CCSER1: variants seen among roughly 807,000 people sequenced by gnomAD.
CCSER1 encodes serine-rich coiled-coil domain-containing protein 1.
CCSER1 carries 41 observed loss-of-function variants against 82.0 expected under a neutral mutation model. The ratio of observed to expected loss-of-function variants is 0.50; its 90% confidence interval spans 0.39 to 0.65. The LOEUF (loss-of-function observed/expected upper bound fraction) is 0.65, where lower values mean the gene tolerates loss of function less well. Ranked by LOEUF, CCSER1 falls within the 30% of genes least tolerant of loss-of-function variation. The pLI is 0.00. For synonymous variants in CCSER1, 414 were observed against 383.9 expected (o/e 1.08, Z -0.92); for missense variants, 1,119 against 1,064.2 (o/e 1.05, Z -0.72).
At chr4:90,850,963 A>T (rs190845580) in intron 8 of CCSER1, among the ~76,000 whole-genome samples, 126 of 152,292 alleles carry the variant, frequency 8.3e-4, no homozygotes, top group Non-Finnish European at 1.4e-3. Context: ...CCAGGTGGAG[A>T]TAATTGAATC....
chr4:91,002,216 A>T (rs1266499237), intron 9 of CCSER1, among the ~76,000 whole-genome samples: 1 of 152,196 alleles, frequency 6.6e-6, no homozygotes, highest in Non-Finnish European at 1.5e-5. Context: ...AGATAACCTG[A>T]AGACAATGTG....
chr4:90,227,743 G>C (rs1743474927), intron 1 of CCSER1, among the ~76,000 whole-genome samples: 1 of 152,206 alleles, frequency 6.6e-6, no homozygotes, highest in African/African-American at 2.4e-5. Flanking sequence ...GCCAGACAGT[G>C]GGCGCAAGTC....
chr4:90,740,707 T>TA (rs1464265367), intron 7 of CCSER1, among the ~76,000 whole-genome samples: 1 of 152,176 alleles, frequency 6.6e-6, no homozygotes, highest in African/African-American at 2.4e-5. Context: ...TTTTCTGTCT[T>TA]AAATTTAAAT....
chr4:90,587,394 G>C (rs1329379386), intron 5 of CCSER1, among the ~76,000 whole-genome samples: 1 of 152,136 alleles, frequency 6.6e-6, no homozygotes, highest in Non-Finnish European at 1.5e-5. Context: ...GGCAGATCAC[G>C]AGGTCAAGAG....
chr4:91,335,809 T>G (rs1379281513), intron 10 of CCSER1, among the ~76,000 whole-genome samples: 2 of 118,974 alleles, frequency 1.7e-5, no homozygotes, highest in Non-Finnish European at 3.8e-5. Context: ...TTGACTAGGA[T>G]TTTTTTTAGA....
At chr4:91,528,243 A>T (rs181080557) in intron 10 of CCSER1, among the ~76,000 whole-genome samples, 55 of 152,208 alleles carry the variant, frequency 3.6e-4, no homozygotes, top group Admixed American at 6.5e-4. Flanking sequence ...TATTTGCTAT[A>T]TTTTCATATA....
chr4:90,838,050 T>C (rs1039304692), intron 8 of CCSER1, among the ~76,000 whole-genome samples: 3 of 152,098 alleles, frequency 2.0e-5, no homozygotes, highest in Admixed American at 2.0e-4. Flanking sequence ...TTTTGATTAA[T>C]TTAAGCAATT....
intron 10 of CCSER1, among the ~76,000 whole-genome samples, chr4:91,595,067 C>CA (rs139204306): frequency 0.012 from 1,874 of 151,350 alleles, 34 homozygotes; most frequent in African/African-American, 0.043. Flanking sequence ...AAAGCAAAAC[C>CA]AAAAAAACCT....
rs62312910 is a variant in CCSER1 at position 90,380,064 on chromosome 4, A to T, written c.1510-19972A>T. Among the ~76,000 whole-genome samples, 1,006 of 152,264 alleles carry T rather than the reference A, an allele frequency of 6.6e-3. 7 individuals carry two copies. The highest frequency in any genetic ancestry group is 0.011 in the Non-Finnish European group (722 of 68,026). On this transcript the variant is annotated intron_variant, in intron 3 of 10. Coordinates refer to ENST00000509176, the MANE Select transcript of CCSER1 (RefSeq NM_001145065.2). The stretch of plus-strand genomic sequence containing the variant: ...ATTCATGAGAAAGCCAACCCTCATG[A>T]TATAATTACCTCCTATCAGACCCTA...
chr4:91,133,122 C>A (rs967949995), intron 10 of CCSER1, among the ~76,000 whole-genome samples: 2 of 152,110 alleles, frequency 1.3e-5, no homozygotes, highest in Non-Finnish European at 2.9e-5. Context: ...TTAGTGTGTT[C>A]TTTTCCTTGT....
rs142167242 is a variant in CCSER1 at position 91,359,761 on chromosome 4, G to A, written c.2218-238811G>A. ...TTTTTTAAGAAAATTACATGATGCTGAGTATTGGTGCATAATTTCACGTCC... is the reference window on the plus strand; with the variant it reads ...TTTTTTAAGAAAATTACATGATGCTAAGTATTGGTGCATAATTTCACGTCC... On this transcript the variant is annotated intron_variant, in intron 10 of 10. Transcript: ENST00000509176. Among the ~76,000 whole-genome samples the A allele has an allele frequency of 6.3e-3, 960 of 151,846 alleles. 23 individuals carry two copies. Among genetic ancestry groups the A allele is most frequent in the Non-Finnish European group, 0.01 (709 of 67,806 alleles).
chr4:90,316,428 T>C (rs1356286313), intron 3 of CCSER1, among the ~76,000 whole-genome samples: 3 of 152,216 alleles, frequency 2.0e-5, no homozygotes, highest in Non-Finnish European at 4.4e-5. Flanking sequence ...GGCTGCAGCA[T>C]TCTGTAAGAG....
intron 1 of CCSER1, among the ~76,000 whole-genome samples, chr4:90,156,207 T>A (rs1371834409): frequency 1.3e-5 from 2 of 152,194 alleles, no homozygotes; most frequent in African/African-American, 4.8e-5. Context: ...TAATCCTGAG[T>A]TCTAGTTTGA....
At chr4:91,493,494 T>A (rs1012956204) in intron 10 of CCSER1, among the ~76,000 whole-genome samples, 1 of 151,866 alleles carries the variant, frequency 6.6e-6, no homozygotes, top group African/African-American at 2.4e-5. Context: ...TTTATTACAA[T>A]GAAACCATTA....
chr4:91,198,429 CAT>C (rs577540546), intron 10 of CCSER1, among the ~76,000 whole-genome samples: 101 of 152,054 alleles, frequency 6.6e-4, no homozygotes, highest in Middle Eastern at 3.4e-3. Flanking sequence ...GGTTGCAAAA[CAT>C]AAAGATTAAA....
chr4:91,174,147 C>G (rs2149010028), intron 10 of CCSER1, among the ~76,000 whole-genome samples: 1 of 152,230 alleles, frequency 6.6e-6, no homozygotes, highest in Admixed American at 6.5e-5. Context: ...ATTAACATCC[C>G]ATCACTTTGA....
chr4:91,482,515 C>T (rs1464908937), intron 10 of CCSER1, among the ~76,000 whole-genome samples: 2 of 150,938 alleles, frequency 1.3e-5, no homozygotes, highest in African/African-American at 4.9e-5. Context: ...ACTAGTTCAA[C>T]CATTCTGGAA....
chr4:91,488,337 A>G (rs755674111), intron 10 of CCSER1, among the ~76,000 whole-genome samples: 19 of 152,198 alleles, frequency 1.2e-4, no homozygotes, highest in Non-Finnish European at 1.2e-4. Flanking sequence ...TGAATTTTCT[A>G]TAGCCAATCC....
At chr4:91,320,447 G>T (rs1746120223) in intron 10 of CCSER1, among the ~76,000 whole-genome samples, 1 of 151,934 alleles carries the variant, frequency 6.6e-6, no homozygotes, top group African/African-American at 2.4e-5. Context: ...GCAAATTAAA[G>T]AATTTTTCCT....
Sources: gnomAD v4.1 joint callset for allele counts (sites outside exome capture counted in the v4.1 genomes callset) on GRCh38, gnomAD v4.1.1 for gene constraint, MANE v1.5 for transcripts, NCBI Gene and HGNC (gene_info 2026-07-23, HGNC 2026-07-21) for gene names.